DACH1: variants seen among roughly 807,000 people sequenced by gnomAD.
The protein encoded by DACH1 is dachshund homolog 1.
In DACH1, 12 loss-of-function variants were observed where a neutral mutation model predicts 54.2. The observed-to-expected ratio is 0.22, with a 90% CI of 0.14 to 0.36. The LOEUF (loss-of-function observed/expected upper bound fraction) is 0.36. DACH1 is among the 10% of genes least tolerant of loss of function. The pLI is 1.00. For missense variants in DACH1, 805 were observed against 929.8 expected (o/e 0.87, Z 1.75); for synonymous variants, 386 against 366.2 (o/e 1.05, Z -0.62).
chr13:71,596,775 G>T (rs1398519169), intron 3 of DACH1, among the ~76,000 whole-genome samples: 1 of 152,176 alleles, frequency 6.6e-6, no homozygotes, highest in East Asian at 1.9e-4. Context: ...GTAGGTTAAT[G>T]AGGGGAAAAT....
chr13:71,453,604 T>C (rs1875277042), intron 10 of DACH1, among the ~76,000 whole-genome samples: 1 of 152,222 alleles, frequency 6.6e-6, no homozygotes, highest in African/African-American at 2.4e-5. Flanking sequence ...ATCTGGCTTT[T>C]AAAAGTTCAG....
intron 1 of DACH1, among the ~76,000 whole-genome samples, chr13:71,779,261 ATG>A (rs1239225981): frequency 1.5e-5 from 1 of 67,600 alleles, no homozygotes; most frequent in Admixed American, 1.3e-4. Flanking sequence ...ATACGTATAT[ATG>A]TGTATATATA....
chr13:71,552,843 A>G (rs1292357986), intron 6 of DACH1, among the ~76,000 whole-genome samples: 1 of 35,142 alleles, frequency 2.8e-5, no homozygotes. Flanking sequence ...ATATATATAT[A>G]GAGAGAGAGA....
Position 71,440,639 on chromosome 13 carries a change from C to G in DACH1, c.*16G>C. The G allele has an allele frequency of 6.3e-7, 1 of 1,590,406 alleles. No homozygotes were observed. Among genetic ancestry groups the G allele is most frequent in the Non-Finnish European group, 8.6e-7 (1 of 1,169,248 alleles). On this transcript the variant is annotated 3_prime_UTR_variant, in exon 11 of 11. Coordinates refer to ENST00000613252, the MANE Select transcript of DACH1 (RefSeq NM_080759.6). ...AAGTTCTTTTCTATAACATGGATTT[C>G]TTCAACAGGAAAGATTCAGTACATG...
chr13:71,652,364 T>C (rs1487798724), intron 2 of DACH1, among the ~76,000 whole-genome samples: 1 of 152,164 alleles, frequency 6.6e-6, no homozygotes, highest in Non-Finnish European at 1.5e-5. Context: ...TTTTTGGCAT[T>C]ACCCATTGCC....
At chr13:71,648,142 A>G (rs1307552212) in intron 2 of DACH1, among the ~76,000 whole-genome samples, 1 of 152,190 alleles carries the variant, frequency 6.6e-6, no homozygotes, top group Admixed American at 6.5e-5. Context: ...GAACACAAAG[A>G]TGGCATCCTT....
intron 6 of DACH1, among the ~76,000 whole-genome samples, chr13:71,518,484 T>A (rs911144877): frequency 6.6e-6 from 1 of 151,854 alleles, no homozygotes; most frequent in African/African-American, 2.4e-5. Flanking sequence ...GTCTCCCAAT[T>A]CTACAGTGCT....
Position 71,601,319 on chromosome 13 carries a change from A to T in DACH1, c.1127-28307T>A, listed in dbSNP as rs527972405. Reference sequence around the variant, plus strand: ...TATATTTAAACTTGCTATTTATATGAAAAATATACTCTTATATTACAGAAA... The same window carrying T: ...TATATTTAAACTTGCTATTTATATGTAAAATATACTCTTATATTACAGAAA... On this transcript the variant is annotated intron_variant, in intron 3 of 10. Coordinates refer to ENST00000613252, the MANE Select transcript of DACH1 (RefSeq NM_080759.6). Among the ~76,000 whole-genome samples the T allele has an allele frequency of 2.0e-5, 3 of 152,206 alleles. No homozygotes were observed. In the South Asian group the frequency reaches 6.2e-4, roughly 32 times the overall value.
At chr13:71,779,176 T>TAC (rs199927129) in intron 1 of DACH1, among the ~76,000 whole-genome samples, 12 of 115,474 alleles carry the variant, frequency 1.0e-4, no homozygotes, top group Admixed American at 5.0e-4. Context: ...CGTATATATA[T>TAC]ACACATATAT....
intron 6 of DACH1, among the ~76,000 whole-genome samples, chr13:71,548,089 T>C (rs1883574788): frequency 6.6e-6 from 1 of 152,170 alleles, no homozygotes; most frequent in African/African-American, 2.4e-5. Context: ...TTAGGCAAAA[T>C]TGAAAATATG....
intron 1 of DACH1, among the ~76,000 whole-genome samples, chr13:71,769,545 G>C (rs1200668860): frequency 6.6e-6 from 1 of 151,602 alleles, no homozygotes; most frequent in Non-Finnish European, 1.5e-5. Flanking sequence ...TGTGCACTTT[G>C]TGAGGGTCAC....
At chr13:71,756,872 G>A (rs550977642) in intron 1 of DACH1, among the ~76,000 whole-genome samples, 12 of 152,168 alleles carry the variant, frequency 7.9e-5, no homozygotes, top group East Asian at 3.9e-4. Context: ...TCATAGAGAC[G>A]TCAAATTGGG....
At chr13:71,651,546 A>G (rs923940205) in intron 2 of DACH1, among the ~76,000 whole-genome samples, 3 of 152,132 alleles carry the variant, frequency 2.0e-5, no homozygotes, top group Non-Finnish European at 4.4e-5. Flanking sequence ...CTGTAGTCCC[A>G]GCTACTTGGG....
At chr13:71,851,759 A>G (rs8000990) in intron 1 of DACH1, among the ~76,000 whole-genome samples, 60,692 of 152,036 alleles carry the variant, frequency 0.4, 14,664 homozygotes, top group East Asian at 0.84. Context: ...TGACATCATA[A>G]TTTATGGAAT....
At chr13:71,504,014 T>C (rs1312920177) in intron 6 of DACH1, among the ~76,000 whole-genome samples, 1 of 152,174 alleles carries the variant, frequency 6.6e-6, no homozygotes, top group Non-Finnish European at 1.5e-5. Flanking sequence ...AGCTGCTATT[T>C]TGCAACTCTC....
chr13:71,779,263 GTGT>G (rs1886258009), intron 1 of DACH1, among the ~76,000 whole-genome samples: 1 of 58,092 alleles, frequency 1.7e-5, no homozygotes, highest in Non-Finnish European at 3.4e-5. Context: ...ACGTATATAT[GTGT>G]ATATATACGT....
intron 1 of DACH1, among the ~76,000 whole-genome samples, chr13:71,696,806 C>T (rs1251291065): frequency 6.6e-6 from 1 of 152,178 alleles, no homozygotes; most frequent in Non-Finnish European, 1.5e-5. Context: ...CTCAGCCTCT[C>T]AAATGCTGGG....
At chr13:71,516,946 G>A (rs1436019444) in intron 6 of DACH1, among the ~76,000 whole-genome samples, 4 of 129,410 alleles carry the variant, frequency 3.1e-5, no homozygotes, top group African/African-American at 1.1e-4. Flanking sequence ...ATATATATAT[G>A]ATTTGAGACT....
intron 1 of DACH1, among the ~76,000 whole-genome samples, chr13:71,853,273 T>G (rs1873787495): frequency 6.6e-6 from 1 of 152,160 alleles, no homozygotes; most frequent in South Asian, 2.1e-4. Context: ...TGGTAATGTA[T>G]CAAAGAGCAT....
Sources: allele counts gnomAD v4.1 joint callset (sites outside exome capture counted in the v4.1 genomes callset), GRCh38; gene constraint gnomAD v4.1.1; transcripts MANE v1.5; gene names NCBI Gene and HGNC (gene_info 2026-07-23, HGNC 2026-07-21).